The following HDAC9 variants were observed in gnomAD, a reference collection of about 807,000 sequenced individuals.
The protein encoded by HDAC9 is histone deacetylase 9.
Under a neutral mutation model 139.4 loss-of-function variants are expected in HDAC9, and 41 were observed. The ratio of observed to expected loss-of-function variants is 0.29; its 90% confidence interval spans 0.23 to 0.38. HDAC9 has a LOEUF of 0.38. Among genes scored for constraint, HDAC9 ranks in the 10% least tolerant of loss-of-function variants. The probability of loss-of-function intolerance (pLI) is 1.00; values close to 1 mark genes in which losing one functional copy is unlikely to be tolerated. For synonymous variants in HDAC9, 517 were observed against 476.2 expected (o/e 1.09, Z -1.12); for missense variants, 1,147 against 1,297.0 (o/e 0.88, Z 1.78).
chr7:18,993,722 G>C (rs560365572), intron 25 of HDAC9, among the ~76,000 whole-genome samples: 1 of 152,140 alleles, frequency 6.6e-6, no homozygotes, highest in East Asian at 1.9e-4. Context: ...AGAATGGCTT[G>C]AGCCCGGGAG....
intron 2 of HDAC9, among the ~76,000 whole-genome samples, chr7:18,229,539 T>G (rs1388473934): frequency 6.6e-6 from 1 of 152,190 alleles, no homozygotes; most frequent in Non-Finnish European, 1.5e-5. Flanking sequence ...ATCAATCATA[T>G]GGACAGCAGC....
At chr7:18,276,455 ATAT>A (rs1183005968) in intron 2 of HDAC9, among the ~76,000 whole-genome samples, 5 of 152,144 alleles carry the variant, frequency 3.3e-5, no homozygotes, top group African/African-American at 1.2e-4. Flanking sequence ...CAGCTTCTTG[ATAT>A]TATTTTAACA....
chr7:18,290,234 G>T, upstream of HDAC9: 1 of 300,532 alleles, frequency 3.3e-6, no homozygotes, highest in Non-Finnish European at 6.7e-6. Context: ...ACTCTCTCAT[G>T]CCTGCATACC....
At chr7:18,805,991 T>C (rs1348483328) in intron 17 of HDAC9, among the ~76,000 whole-genome samples, 1 of 152,192 alleles carries the variant, frequency 6.6e-6, no homozygotes, top group Non-Finnish European at 1.5e-5. Context: ...CCTGATCCTG[T>C]GGGTCAGCTG....
At position 18,790,717 on chromosome 7, in the gene HDAC9, G is replaced by T. The variant is rs182443405; in HGVS notation, c.2215-2628G>T. ...ATGTAGGTAAAACATAGGTTGAGGT[G>T]GTATTGAGATAAATATTGTTTTTGT... is the stretch of plus-strand genomic sequence containing the variant. On this transcript the variant is annotated intron_variant, in intron 16 of 25. Coordinates refer to ENST00000686413, the MANE Select transcript of HDAC9 (RefSeq NM_178425.4). Among the ~76,000 whole-genome samples the T allele has an allele frequency of 1.2e-4, 18 of 152,134 alleles. No individual in the cohort carries two copies. The East Asian group carries it at 3.3e-3, about 28-fold the overall frequency.
intron 1 of HDAC9, among the ~76,000 whole-genome samples, chr7:18,396,031 A>G (rs1287306259): frequency 2.7e-5 from 4 of 150,794 alleles, no homozygotes; most frequent in Non-Finnish European, 5.9e-5. Flanking sequence ...GTCTTTTTAT[A>G]TGGTTTCTAG....
intron 11 of HDAC9, among the ~76,000 whole-genome samples, chr7:18,662,029 G>C (rs149331599): frequency 6.6e-6 from 1 of 152,162 alleles, no homozygotes; most frequent in East Asian, 1.9e-4. Flanking sequence ...CATATAATAC[G>C]TTCCATGGAA....
chr7:18,752,136 C>G (rs1228760986), intron 14 of HDAC9, among the ~76,000 whole-genome samples: 1 of 152,096 alleles, frequency 6.6e-6, no homozygotes, highest in Non-Finnish European at 1.5e-5. Context: ...AAAAATACAA[C>G]ACAAATTTAT....
chr7:18,306,511 A>G (rs1033405797), intron 1 of HDAC9, among the ~76,000 whole-genome samples: 2 of 152,200 alleles, frequency 1.3e-5, no homozygotes, highest in African/African-American at 4.8e-5. Context: ...AGATGATAGT[A>G]ATCTAAGTTT....
At chr7:18,918,222 C>CA (rs1274525473) in intron 22 of HDAC9, among the ~76,000 whole-genome samples, 1 of 151,934 alleles carries the variant, frequency 6.6e-6, no homozygotes, top group African/African-American at 2.4e-5. Context: ...ACAATGAAAA[C>CA]ATTCACTGAT....
intron 23 of HDAC9, among the ~76,000 whole-genome samples, chr7:18,952,474 T>C (rs1782866808): frequency 6.6e-6 from 1 of 152,048 alleles, no homozygotes; most frequent in Non-Finnish European, 1.5e-5. Context: ...TGTCATCGCT[T>C]TGTGCTTTTG....
intron 1 of HDAC9, among the ~76,000 whole-genome samples, chr7:18,440,796 A>G (rs1385353574): frequency 6.6e-6 from 1 of 152,178 alleles, no homozygotes; most frequent in African/African-American, 2.4e-5. Flanking sequence ...AACAAACACA[A>G]CAAGACATGT....
At chr7:18,249,523 AC>A (rs56933252) in intron 2 of HDAC9, among the ~76,000 whole-genome samples, 995 of 55,172 alleles carry the variant, frequency 0.018, 76 homozygotes, top group Non-Finnish European at 0.037. Context: ...AAAAAAAAAA[AC>A]AAAAAAAAAA....
chr7:18,775,035 A>G (rs1449946868), intron 16 of HDAC9, among the ~76,000 whole-genome samples: 1 of 151,986 alleles, frequency 6.6e-6, no homozygotes, highest in East Asian at 1.9e-4. Flanking sequence ...ATTCCTGAAT[A>G]TTAGGGAATA....
chr7:18,732,935 ATGTGTATACACACGTGTATGTG>A (rs1316520592), intron 13 of HDAC9, among the ~76,000 whole-genome samples: 6 of 73,150 alleles, frequency 8.2e-5, no homozygotes, highest in Middle Eastern at 6.8e-3. Flanking sequence ...GTGTGTATGT[ATGTGTATACACACGTGTATGTG>A]TGTGTATGTG....
At chr7:18,652,245 C>T (rs1290683743) in intron 11 of HDAC9, among the ~76,000 whole-genome samples, 2 of 152,014 alleles carry the variant, frequency 1.3e-5, no homozygotes, top group Non-Finnish European at 2.9e-5. Flanking sequence ...GATGCTTTTG[C>T]CAGTACACCT....
intron 1 of HDAC9, among the ~76,000 whole-genome samples, chr7:18,442,874 C>T (rs1791917720): frequency 6.6e-6 from 1 of 152,154 alleles, no homozygotes; most frequent in African/African-American, 2.4e-5. Flanking sequence ...CAGCTTCAAA[C>T]AGGGAAGGTG....
chr7:18,644,377 T>C (rs1245971364), intron 8 of HDAC9, among the ~76,000 whole-genome samples: 1 of 152,140 alleles, frequency 6.6e-6, no homozygotes. Flanking sequence ...AATTTTATCA[T>C]TGTACTTTAT....
chr7:18,957,907 A>G (rs565167229), intron 24 of HDAC9, among the ~76,000 whole-genome samples: 1 of 152,220 alleles, frequency 6.6e-6, no homozygotes, highest in East Asian at 1.9e-4. Context: ...GTTACTCTTG[A>G]GAAGCAGGCT....
Sources: allele counts gnomAD v4.1 joint callset (sites outside exome capture counted in the v4.1 genomes callset), GRCh38; gene constraint gnomAD v4.1.1; transcripts MANE v1.5; gene names NCBI Gene and HGNC (gene_info 2026-07-23, HGNC 2026-07-21).